FAM3B: variants seen among roughly 807,000 people sequenced by gnomAD.
FAM3B encodes the protein protein FAM3B.
In FAM3B, 29 loss-of-function variants were observed where a neutral mutation model predicts 28.4. The ratio of observed to expected loss-of-function variants is 1.02; its 90% CI spans 0.76 to 1.39. The LOEUF is 1.39. Ranked by LOEUF, FAM3B falls within the 40% of genes most tolerant of loss-of-function variation. The probability of loss-of-function intolerance (pLI) is 0.00; values close to 1 mark genes in which losing one functional copy is unlikely to be tolerated. For missense variants in FAM3B, 266 were observed against 293.9 expected (o/e 0.91, Z 0.69); for synonymous variants, 91 against 103.0 (o/e 0.88, Z 0.71).
chr21:41,357,100 C>T lies in FAM3B; in HGVS notation c.619-8C>T. On this transcript the variant is annotated splice_polypyrimidine_tract_variant and splice_region_variant and intron_variant, in intron 7 of 7. Transcript: ENST00000357985. The stretch of plus-strand genomic sequence containing the variant: ...TGAATAAATAAAACTCTTCTTTTCT[C>T]TACACAGATCAACCACTCTGATGCT... The T allele has an allele frequency of 1.2e-6, 2 of 1,605,368 alleles. No individual in the cohort carries two copies. Among genetic ancestry groups the T allele is most frequent in the Non-Finnish European group, 1.7e-6 (2 of 1,174,464 alleles).
intron 7 of FAM3B, among the ~76,000 whole-genome samples, chr21:41,355,466 T>C (rs1204300208): frequency 1.3e-5 from 2 of 152,212 alleles, no homozygotes; most frequent in African/African-American, 4.8e-5. Context: ...AAATATGGCT[T>C]AGCCATACAA....
At chr21:41,315,728 G>C (rs558446505), upstream of FAM3B, among the ~76,000 whole-genome samples, 1 of 152,146 alleles carries the variant, frequency 6.6e-6, no homozygotes, top group Non-Finnish European at 1.5e-5. Flanking sequence ...CTGCAGGTGG[G>C]GGTGAACTGG....
chr21:41,337,472 C>A (rs2088965504), intron 2 of FAM3B, among the ~76,000 whole-genome samples: 1 of 152,180 alleles, frequency 6.6e-6, no homozygotes, highest in Non-Finnish European at 1.5e-5. Flanking sequence ...AATTGCTGAC[C>A]CCTGTGAAAT....
In FAM3B at chr21:41,347,110, T is replaced by C; in HGVS notation, c.485+10T>C. The C allele has an allele frequency of 6.2e-7, 1 of 1,613,608 alleles. No individual in the cohort carries two copies. The highest frequency in any genetic ancestry group is 8.5e-7 in the Non-Finnish European group (1 of 1,179,606). On this transcript the variant is annotated intron_variant, in intron 6 of 7. Coordinates refer to ENST00000357985, the MANE Select transcript of FAM3B (RefSeq NM_058186.4). ...ACGACGGAAGCACAAGGTGAGTGGG[T>C]GTAGGTCTGTCACAGCGGTGGGCAA...
chr21:41,322,497 C>G, intron 1 of FAM3B: 1 of 689,920 alleles, frequency 1.4e-6, no homozygotes, highest in Non-Finnish European at 2.7e-6. Flanking sequence ...ACAGACAGAG[C>G]TTTACCCCTG....
rs562042706 is a variant in FAM3B at position 41,345,068 on chromosome 21, C to T, written c.346+534C>T. 2.6e-5 allele frequency among the ~76,000 whole-genome samples: 4 copies of T among 152,342 alleles called. No homozygotes were observed. The East Asian group carries it at 5.8e-4, about 22-fold the overall frequency. Reference sequence around the variant, plus strand: ...CCTGTGAGTGAGTGGGCCGCATAGCCCCGAGACGTGAGGGCTGTGGAAGTG... The same window carrying T: ...CCTGTGAGTGAGTGGGCCGCATAGCTCCGAGACGTGAGGGCTGTGGAAGTG... On this transcript the variant is annotated intron_variant, in intron 4 of 7. Transcript: ENST00000357985.
chr21:41,342,914 T>A (rs1402081854), intron 3 of FAM3B, among the ~76,000 whole-genome samples: 2 of 152,222 alleles, frequency 1.3e-5, no homozygotes, highest in South Asian at 4.1e-4. Context: ...TTTAAAAAAA[T>A]TGAGGCATGG....
intron 1 of FAM3B, among the ~76,000 whole-genome samples, chr21:41,308,713 A>G (rs2088694951): frequency 6.6e-6 from 1 of 151,562 alleles, no homozygotes; most frequent in Non-Finnish European, 1.5e-5. Flanking sequence ...CTAATTTTGT[A>G]TTTTTAGTAG....
intron 1 of FAM3B, among the ~76,000 whole-genome samples, chr21:41,307,069 C>T: frequency 6.6e-6 from 1 of 152,342 alleles, no homozygotes; most frequent in Non-Finnish European, 1.5e-5. Context: ...CCAGATGGCA[C>T]CTTCCAATAT....
At position 41,323,026 on chromosome 21, in the gene FAM3B, C is replaced by G. The variant is rs149569625; in HGVS notation, c.123C>G (p.Ala41=). The G allele has an allele frequency of 3.9e-4, 629 of 1,609,000 alleles. 3 individuals carry two copies. The African/African-American group carries it at 7.4e-3, about 19-fold the overall frequency. Residue 41 remains alanine, a synonymous_variant, in exon 2 of 8, where the codon GCC becomes GCG. Coordinates refer to ENST00000357985, the MANE Select transcript of FAM3B (RefSeq NM_058186.4). ...LIPDAPLSSA[A]YSIRSIGERP... ...CAGATGCACCCCTGTCCAGTGCTGCCTATAGCATCCGCAGCATCGGGGAGA... is the reference window on the plus strand; with the variant it reads ...CAGATGCACCCCTGTCCAGTGCTGCGTATAGCATCCGCAGCATCGGGGAGA...
chr21:41,311,249 AAAATATATAT>A (rs1361578024), intron 1 of FAM3B, among the ~76,000 whole-genome samples: 6 of 56,634 alleles, frequency 1.1e-4, no homozygotes, highest in South Asian at 6.8e-4. Context: ...AAAAAAAAAA[AAAATATATAT>A]ATATATATAT....
intron 2 of FAM3B, among the ~76,000 whole-genome samples, 170 bp downstream of exon 2, chr21:41,323,236 G>T (rs1251959074): frequency 6.6e-6 from 1 of 152,208 alleles, no homozygotes; most frequent in Non-Finnish European, 1.5e-5. Context: ...CCATTCCAAG[G>T]CACGTGCCGC....
chr21:41,355,150 G>T (rs2089154474), intron 7 of FAM3B, among the ~76,000 whole-genome samples: 1 of 152,208 alleles, frequency 6.6e-6, no homozygotes, highest in Non-Finnish European at 1.5e-5. Flanking sequence ...GGTTGGCTAT[G>T]ATTTTTAAAA....
intron 7 of FAM3B, among the ~76,000 whole-genome samples, chr21:41,354,597 C>T (rs1261357339): frequency 6.6e-6 from 1 of 152,094 alleles, no homozygotes; most frequent in African/African-American, 2.4e-5. Flanking sequence ...TCAAGTGTCA[C>T]ACATTCCTAC....
At chr21:41,315,844 A>G (rs532176279), upstream of FAM3B, among the ~76,000 whole-genome samples, 29 of 152,300 alleles carry the variant, frequency 1.9e-4, no homozygotes, top group African/African-American at 6.3e-4. Context: ...GGTGACCCAC[A>G]GGGTGGATAA....
intron 1 of FAM3B, among the ~76,000 whole-genome samples, chr21:41,311,251 A>AAAATATATATAT (rs1555866518): frequency 1.1e-4 from 4 of 35,074 alleles, no homozygotes; most frequent in Non-Finnish European, 1.4e-4. Context: ...AAAAAAAAAA[A>AAAATATATATAT]ATATATATAT....
intron 2 of FAM3B, among the ~76,000 whole-genome samples, chr21:41,325,900 C>G (rs2088850964): frequency 6.6e-6 from 1 of 152,154 alleles, no homozygotes; most frequent in East Asian, 1.9e-4. Flanking sequence ...TATTATAAAC[C>G]AGGAGCTGCT....
chr21:41,312,927 G>C (rs149556769), upstream of FAM3B, among the ~76,000 whole-genome samples: 229 of 152,342 alleles, frequency 1.5e-3, no homozygotes, highest in African/African-American at 5.3e-3. Flanking sequence ...AGGCTTAGGG[G>C]AGGCCTTCAA....
At chr21:41,336,183 C>T (rs181488229) in intron 2 of FAM3B, among the ~76,000 whole-genome samples, 7 of 152,320 alleles carry the variant, frequency 4.6e-5, no homozygotes, top group African/African-American at 1.4e-4. Flanking sequence ...TCATCAGACA[C>T]TGTATCTGCT....
Sources: gnomAD v4.1 joint callset for allele counts (sites outside exome capture counted in the v4.1 genomes callset) on GRCh38, gnomAD v4.1.1 for gene constraint, MANE v1.5 for transcripts, NCBI Gene and HGNC (gene_info 2026-07-23, HGNC 2026-07-21) for gene names.